Variants in AP3B1 observed in about 807,000 individuals in gnomAD.
AP3B1 encodes adaptor related protein complex 3 subunit beta 1.
Under a neutral mutation model 132.5 loss-of-function variants are expected in AP3B1, and 61 were observed. The observed-to-expected ratio is 0.46, with a 90% CI of 0.37 to 0.57. The LOEUF is 0.57. Among genes scored for constraint, AP3B1 ranks in the 20% least tolerant of loss-of-function variants. The pLI is 0.00. For missense variants in AP3B1, 1,120 were observed against 1,289.4 expected (o/e 0.87, Z 2.01); for synonymous variants, 388 against 438.3 (o/e 0.89, Z 1.43).
intron 1 of AP3B1, among the ~76,000 whole-genome samples, chr5:78,275,198 C>A (rs956699906): frequency 2.0e-5 from 3 of 151,902 alleles, no homozygotes; most frequent in Admixed American, 6.6e-5. Context: ...CAAAAGATAT[C>A]GGAATGACAT....
intron 23 of AP3B1, among the ~76,000 whole-genome samples, chr5:78,037,150 C>G (rs1294892302): frequency 6.6e-6 from 1 of 152,110 alleles, no homozygotes; most frequent in Non-Finnish European, 1.5e-5. Flanking sequence ...TTTATTTCTT[C>G]TATTCTACAT....
At chr5:78,144,683 G>T (rs1753308160) in intron 14 of AP3B1, among the ~76,000 whole-genome samples, 1 of 152,120 alleles carries the variant, frequency 6.6e-6, no homozygotes, top group Admixed American at 6.6e-5. Context: ...TGAGGCATCT[G>T]GGCAACAAGG....
intron 22 of AP3B1, among the ~76,000 whole-genome samples, chr5:78,078,219 T>C (rs1580317868): frequency 6.6e-6 from 1 of 152,210 alleles, no homozygotes; most frequent in East Asian, 1.9e-4. Flanking sequence ...CATTGTCCTT[T>C]CCTCTTCCTT....
chr5:78,066,901 A>C (rs1749316132), intron 22 of AP3B1, among the ~76,000 whole-genome samples: 1 of 152,196 alleles, frequency 6.6e-6, no homozygotes, highest in Non-Finnish European at 1.5e-5. Flanking sequence ...AAAAAGTGTA[A>C]GCGCAGCCAG....
At chr5:78,119,564 G>A (rs565736191) in intron 17 of AP3B1, among the ~76,000 whole-genome samples, 7 of 152,318 alleles carry the variant, frequency 4.6e-5, no homozygotes, top group South Asian at 4.2e-4. Context: ...AGGAGCCGAC[G>A]CGATCAACTG....
chr5:78,044,469 A>G (rs953458791), intron 22 of AP3B1, among the ~76,000 whole-genome samples: 1 of 152,242 alleles, frequency 6.6e-6, no homozygotes, highest in Non-Finnish European at 1.5e-5. Context: ...CATTAAATAA[A>G]TGTTGATGTA....
chr5:78,253,534 G>A (rs1266729360), intron 2 of AP3B1, among the ~76,000 whole-genome samples: 3 of 152,068 alleles, frequency 2.0e-5, no homozygotes, highest in Admixed American at 1.3e-4. Context: ...AGGAAAATAC[G>A]ACCTCACCAA....
intron 1 of AP3B1, among the ~76,000 whole-genome samples, chr5:78,280,925 T>C (rs890355558): frequency 6.6e-6 from 1 of 152,212 alleles, no homozygotes; most frequent in Non-Finnish European, 1.5e-5. Context: ...ACTACTGAAT[T>C]GTACACTCAA....
At position 78,038,470 on chromosome 5, in the gene AP3B1, C is replaced by CA. The variant is rs957455688; in HGVS notation, c.2809+572dup. ...TGATGAGCTAAAGAAAAAATAATCG[C>CA]AAAAAAATCTCATAATGTTTTAAGA... On this transcript the variant is annotated intron_variant, in intron 23 of 26. Coordinates refer to ENST00000255194, the MANE Select transcript of AP3B1 (RefSeq NM_003664.5). Among the ~76,000 whole-genome samples, 20 of 152,102 alleles carry CA rather than the reference C, an allele frequency of 1.3e-4. 1 individual carries two copies. Among genetic ancestry groups the CA allele is most frequent in the Admixed American group, 8.5e-4 (13 of 15,272 alleles).
intron 22 of AP3B1, among the ~76,000 whole-genome samples, chr5:78,046,901 T>G (rs1479120376): frequency 6.6e-6 from 1 of 152,060 alleles, no homozygotes; most frequent in Non-Finnish European, 1.5e-5. Context: ...CCCCTCCCTG[T>G]GTCCATGTGT....
chr5:78,027,357 T>C (rs1053059892), intron 24 of AP3B1, among the ~76,000 whole-genome samples: 8 of 152,158 alleles, frequency 5.3e-5, no homozygotes, highest in African/African-American at 1.9e-4. Flanking sequence ...GGATTTGAAA[T>C]GTCACCTTTA....
intron 22 of AP3B1, among the ~76,000 whole-genome samples, chr5:78,058,489 G>A (rs1405414726): frequency 6.6e-6 from 1 of 151,358 alleles, no homozygotes; most frequent in Non-Finnish European, 1.5e-5. Context: ...GACAGAGTGA[G>A]ACTCCATCTC....
intron 21 of AP3B1, among the ~76,000 whole-genome samples, chr5:78,091,820 T>C (rs1419992835): frequency 6.6e-6 from 1 of 152,136 alleles, no homozygotes; most frequent in East Asian, 1.9e-4. Flanking sequence ...GGCAGTACAA[T>C]GCACAGACTG....
intron 25 of AP3B1, among the ~76,000 whole-genome samples, chr5:78,016,853 A>G (rs1046909687): frequency 3.3e-5 from 5 of 152,122 alleles, no homozygotes; most frequent in African/African-American, 7.2e-5. Context: ...ACAGTCAAAC[A>G]CTGCTTTTAA....
At chr5:78,165,525 T>C (rs1743576861) in intron 12 of AP3B1, 85 bp downstream of exon 12, 2 of 936,222 alleles carry the variant, frequency 2.1e-6, no homozygotes, top group Non-Finnish European at 1.7e-6. Flanking sequence ...TGTACATAAT[T>C]ACATATTTCT....
At chr5:78,171,272 A>G (rs1484516965) in intron 11 of AP3B1, among the ~76,000 whole-genome samples, 1 of 152,092 alleles carries the variant, frequency 6.6e-6, no homozygotes, top group African/African-American at 2.4e-5. Context: ...TCTGTGAAGG[A>G]AGTCATTGGT....
At chr5:78,011,193 C>A (rs1746610863) in intron 26 of AP3B1, among the ~76,000 whole-genome samples, 1 of 152,020 alleles carries the variant, frequency 6.6e-6, no homozygotes, top group Non-Finnish European at 1.5e-5. Flanking sequence ...CAGGCGCCTG[C>A]CACCAAGCCT....
At chr5:78,017,018 A>T (rs556675882) in intron 25 of AP3B1, among the ~76,000 whole-genome samples, 13 of 152,234 alleles carry the variant, frequency 8.5e-5, no homozygotes, top group African/African-American at 3.1e-4. Context: ...CATGTAATTA[A>T]AGGAAATGTT....
chr5:78,202,129 T>C (rs1365100166), intron 7 of AP3B1, among the ~76,000 whole-genome samples: 1 of 152,010 alleles, frequency 6.6e-6, no homozygotes, highest in African/African-American at 2.4e-5. Context: ...AAAGGGGAGT[T>C]TCCCTGCACA....
Sources: allele counts gnomAD v4.1 joint callset (sites outside exome capture counted in the v4.1 genomes callset), GRCh38; gene constraint gnomAD v4.1.1; transcripts MANE v1.5; gene names NCBI Gene and HGNC (gene_info 2026-07-23, HGNC 2026-07-21).